Variants in ULK3 observed in about 807,000 individuals in gnomAD.
ULK3 encodes serine/threonine-protein kinase ULK3.
ULK3 carries 54 observed loss-of-function variants against 69.4 expected under a neutral mutation model. That is an observed-to-expected ratio of 0.78 (90% CI 0.63 to 0.98). The LOEUF is 0.98. ULK3 is among the 50% of genes least tolerant of loss of function. ULK3 has a pLI of 0.00. For missense variants in ULK3, 558 were observed against 627.7 expected (o/e 0.89, Z 1.19); for synonymous variants, 240 against 254.5 (o/e 0.94, Z 0.54).
rs2064018216 is a variant in ULK3, at chr15:74,836,377, AG to A, written c.*850del. On this transcript the variant is annotated 3_prime_UTR_variant, in exon 16 of 16. Coordinates refer to ENST00000440863, the MANE Select transcript of ULK3 (RefSeq NM_001099436.4). The surrounding 1 kb of genome is among the most constrained non-coding windows in gnomAD (Gnocchi z 4.0). The stretch of plus-strand genomic sequence containing the variant: ...GAGATGGGGAGACCCAGGCCCAGAA[AG>A]GGGAAAGAGCTTGCCCAGGGCTCCA... 1 of 152,250 alleles carries A rather than the reference AG, an allele frequency of 6.6e-6. No individual in the cohort carries two copies. The highest frequency in any genetic ancestry group is 2.4e-5 in the African/African-American group (1 of 41,454). The allele number at this position is 152,250 out of a possible 1,614,324, so 9.4% of individuals were successfully genotyped here.
chr15:74,838,470 G>C lies in ULK3; in HGVS notation c.1137C>G (p.Ala379=), dbSNP rs764776193. The change falls in exon 11 of 16, where the codon GCC becomes GCG. Residue 379 remains alanine, a synonymous_variant. Coordinates refer to ENST00000440863, the MANE Select transcript of ULK3 (RefSeq NM_001099436.4). ...MARDKPRLLA[A]LEVASAAMAK... The stretch of plus-strand genomic sequence containing the variant: ...CCATGGCAGCTGAAGCCACTTCCAG[G>C]GCAGCTAGGAGGCGTGGCTTGTCCC... 23 of 1,581,360 alleles carry C rather than the reference G, an allele frequency of 1.5e-5. No homozygotes were observed. Among genetic ancestry groups the C allele is most frequent in the Non-Finnish European group, 1.8e-5 (21 of 1,163,776 alleles).
At chr15:74,840,183 G>T in intron 6 of ULK3, 51 bp downstream of exon 6, 1 of 1,556,860 alleles carries the variant, frequency 6.4e-7, no homozygotes, top group Non-Finnish European at 8.7e-7. Flanking sequence ...AACCCTCAGG[G>T]CCCTGACTCC....
At chr15:74,838,565 C>T in intron 10 of ULK3, 61 bp from the exon 11 acceptor site, 1 of 1,569,488 alleles carries the variant, frequency 6.4e-7, no homozygotes, top group Admixed American at 1.9e-5. Flanking sequence ...TGCAGGATGC[C>T]TCTCCCCACC....
At position 74,842,288 on chromosome 15, in the gene ULK3, C is replaced by A; in HGVS notation, c.235G>T (p.Asp79Tyr). 1 of 1,614,038 alleles carries A rather than the reference C, an allele frequency of 6.2e-7. No individual in the cohort carries two copies. ...CCGCCCCAGGCTCACACCTGAAAGTCTTTCAGCTGCACAATGTGGGGATGT... is the reference window on the plus strand; with the variant it reads ...CCGCCCCAGGCTCACACCTGAAAGTATTTCAGCTGCACAATGTGGGGATGT... ...IRHPHIVQLK[D>Y]FQWDSDNIYL... Residue 79 changes from aspartate (D) to tyrosine (Y), a missense_variant, in exon 2 of 16, where the codon GAC (aspartate) becomes TAC (tyrosine). Asp to Tyr is a radical substitution (Grantham distance 160). Transcript: ENST00000440863. This position sits in a 1 kb window ranked among gnomAD's most constrained non-coding sequence, Gnocchi z 4.9.
rs2064134318 is a variant in ULK3, at chr15:74,838,950, C to A, written c.999+60G>T. ...CTAAGAGAGCCATTCCCCAGAGGCC[C>A]CCGAGATCTCCGGGCCTTACCCCCT... On this transcript the variant is annotated intron_variant, in intron 9 of 15. Transcript: ENST00000440863. 6.4e-6 allele frequency: 10 copies of A among 1,555,404 alleles called. No homozygotes were observed. The South Asian group carries it at 1.1e-4, about 17-fold the overall frequency.
chr15:74,838,585 C>G (rs1277793517), intron 10 of ULK3, 58 bp downstream of exon 10: 14 of 1,580,118 alleles, frequency 8.9e-6, no homozygotes, highest in Admixed American at 3.6e-5. Flanking sequence ...CCGCCTCCCC[C>G]TCAGGCTGTG....
chr15:74,841,512 G>A lies in ULK3; in HGVS notation c.365-3C>T. 1 of 1,613,544 alleles carries A rather than the reference G, an allele frequency of 6.2e-7. No homozygotes were observed. Reference sequence around the variant, plus strand: ...ATGCAGGAATTGCAGGGCGCTAGCTGAGGAGCAGGACCCACGAAGAGAGAC... The same window carrying A: ...ATGCAGGAATTGCAGGGCGCTAGCTAAGGAGCAGGACCCACGAAGAGAGAC... On this transcript the variant is annotated splice_region_variant and splice_polypyrimidine_tract_variant and intron_variant, in intron 3 of 15. Coordinates refer to ENST00000440863, the MANE Select transcript of ULK3 (RefSeq NM_001099436.4).
rs566910108 is a variant in ULK3 at position 74,842,911 on chromosome 15, T to C, written c.102+93A>G. 2 of 1,415,054 alleles carry C rather than the reference T, an allele frequency of 1.4e-6. No homozygotes were observed. The highest frequency in any genetic ancestry group is 1.3e-5 in the South Asian group (1 of 74,376). The allele number at this position is 1,415,054 out of a possible 1,614,324, so 87.7% of individuals were successfully genotyped here. A position where few individuals can be genotyped will look rare whatever the true frequency, so the allele number is the denominator to read the frequency against. On this transcript the variant is annotated intron_variant, in intron 1 of 15. Coordinates refer to ENST00000440863, the MANE Select transcript of ULK3 (RefSeq NM_001099436.4). The surrounding 1 kb of genome is among the most constrained non-coding windows in gnomAD (Gnocchi z 4.9). ...GCGAGGCCGGCCTCCCGCCCCTAAC[T>C]ATTCCCACACTGTCGCTAACCTCTC...
rs1326086323 is a variant in ULK3 at position 74,837,367 on chromosome 15, A to C, written c.1402+2T>G. ...GAGGATCGACCCCAGGGCAGGACTC[A>C]CAGCTACGAACAGATTCCGACAGTC... On this transcript the variant is annotated splice_donor_variant, in intron 15 of 15. Transcript: ENST00000440863. LOFTEE classifies it high-confidence loss of function. The C allele has an allele frequency of 5.0e-6, 8 of 1,612,922 alleles. No homozygotes were observed. Among genetic ancestry groups the C allele is most frequent in the Non-Finnish European group, 6.8e-6 (8 of 1,179,550 alleles).
intron 4 of ULK3, among the ~76,000 whole-genome samples, chr15:74,840,948 C>T (rs1240049418): frequency 1.3e-5 from 2 of 151,996 alleles, no homozygotes; most frequent in Non-Finnish European, 2.9e-5. Context: ...AGTCTCTGGC[C>T]TCCAGTGTCA....
chr15:74,838,127 C>T, intron 13 of ULK3, 25 bp downstream of exon 13: 1 of 1,551,286 alleles, frequency 6.4e-7, no homozygotes, highest in South Asian at 1.2e-5. Flanking sequence ...GGAAGCCCCC[C>T]AACCCTCTCA....
chr15:74,840,351 A>AT lies in ULK3; in HGVS notation c.614-36_614-35insA. On this transcript the variant is annotated intron_variant, in intron 5 of 15. Coordinates refer to ENST00000440863, the MANE Select transcript of ULK3 (RefSeq NM_001099436.4). ...GGAGGCAGAGCGGAGGCTGGGAGGG[A>AT]ATGGGTCAAGCCTGGCCTGACGCCC... The AT allele has an allele frequency of 1.9e-6, 3 of 1,592,562 alleles. No individual in the cohort carries two copies. In the South Asian group the frequency reaches 3.4e-5, roughly 18 times the overall value.
At chr15:74,838,395 C>T (rs745789451) in intron 11 of ULK3, 45 bp downstream of exon 11, 11 of 1,561,336 alleles carry the variant, frequency 7.0e-6, no homozygotes, top group South Asian at 5.9e-5. Context: ...TGGGTATCTC[C>T]CTGCCCTGCC....
At position 74,839,648 on chromosome 15, in the gene ULK3, G is replaced by A. The variant is rs2141142919; in HGVS notation, c.762C>T (p.Asp254=). 1 of 1,554,468 alleles carries A rather than the reference G, an allele frequency of 6.4e-7. No homozygotes were observed. Among genetic ancestry groups the A allele is most frequent in the Non-Finnish European group, 8.7e-7 (1 of 1,150,632 alleles). The stretch of plus-strand genomic sequence containing the variant: ...CCTGGAAGGAGATGCGACGGCTGGG[G>A]TCCCGCTCCAGGAGCCGCTGCAGTA... ...RDLLQRLLER[D]PSRRISFQDF... Residue 254 remains aspartate (D), a synonymous_variant, in exon 7 of 16, where the codon GAC becomes GAT. Coordinates refer to ENST00000440863, the MANE Select transcript of ULK3 (RefSeq NM_001099436.4).
rs1340953818 is a variant in ULK3 at position 74,842,535 on chromosome 15, C to G, written c.103-115G>C. On this transcript the variant is annotated intron_variant, in intron 1 of 15. Transcript: ENST00000440863. This position sits in a 1 kb window ranked among gnomAD's most constrained non-coding sequence, Gnocchi z 4.9. ...CCACCCCGCCCCTCCCCGGGTCTAC[C>G]TACTGCACACCAGCACCGGGCTTCC... The G allele has an allele frequency of 3.1e-6, 5 of 1,598,838 alleles. No individual in the cohort carries two copies. In the African/African-American group the frequency reaches 6.7e-5, roughly 21 times the overall value.
chr15:74,838,274 A>G lies in ULK3; in HGVS notation c.1238T>C (p.Leu413Ser). The G allele has an allele frequency of 6.4e-7, 1 of 1,561,602 alleles. No individual in the cohort carries two copies. Among genetic ancestry groups the G allele is most frequent in the Non-Finnish European group, 8.7e-7 (1 of 1,152,944 alleles). ...YQHSLGELLL[L>S]LAAEPPGRRR... ...TAAATGGGGGCCCTCACCTGCCAGC[A>G]ACAGCAGTAGCTCCCCCAGGCTGTG... The change falls in exon 12 of 16, where the codon TTG (leucine) becomes TCG (serine). Residue 413 changes from leucine (L) to serine (S), a missense_variant. Physicochemically the swap from Leu to Ser is moderately radical, Grantham distance 145. Transcript: ENST00000440863.
Position 74,842,991 on chromosome 15 carries a change from G to A in ULK3, c.102+13C>T. On this transcript the variant is annotated intron_variant, in intron 1 of 15. Coordinates refer to ENST00000440863, the MANE Select transcript of ULK3 (RefSeq NM_001099436.4). This position sits in a 1 kb window ranked among gnomAD's most constrained non-coding sequence, Gnocchi z 4.9. ...TAGCTCGGGCGGGCACGGGGCCATC[G>A]GCCGGCACCCACCTTGGCGTAGGCC... The A allele has an allele frequency of 6.5e-7, 1 of 1,545,480 alleles. No homozygotes were observed. Among genetic ancestry groups the A allele is most frequent in the Non-Finnish European group, 8.7e-7 (1 of 1,145,046 alleles).
chr15:74,841,391 T>C lies in ULK3; in HGVS notation c.469+14A>G. ...CACTCTCCAAACCTCATCCCTGCTG[T>C]TTCAGACACAGACCTGCCAGTTTTA... On this transcript the variant is annotated intron_variant, in intron 4 of 15. Coordinates refer to ENST00000440863, the MANE Select transcript of ULK3 (RefSeq NM_001099436.4). 2 of 1,610,876 alleles carry C rather than the reference T, an allele frequency of 1.2e-6. No individual in the cohort carries two copies. The highest frequency in any genetic ancestry group is 1.7e-6 in the Non-Finnish European group (2 of 1,177,246).
intron 14 of ULK3, 21 bp downstream of exon 14, chr15:74,837,730 G>A (rs762663349): frequency 4.8e-5 from 77 of 1,587,704 alleles, no homozygotes; most frequent in Non-Finnish European, 5.5e-5. Flanking sequence ...CCTAGCCCCA[G>A]CGTGGCCCCC....
Sources: allele counts gnomAD v4.1 joint callset (sites outside exome capture counted in the v4.1 genomes callset), GRCh38; gene constraint gnomAD v4.1.1; non-coding constraint Gnocchi (gnomAD v3.1); transcripts MANE v1.5; gene names NCBI Gene and HGNC (gene_info 2026-07-23, HGNC 2026-07-21).